ENTR1: variants seen among roughly 807,000 people sequenced by gnomAD.
The protein encoded by ENTR1 is endosome-associated-trafficking regulator 1.
A neutral mutation model predicts 47.9 loss-of-function variants in ENTR1; 47 were observed. The observed-to-expected ratio is 0.98, with a 90% CI of 0.78 to 1.25. The LOEUF is 1.25. Among genes scored for constraint, ENTR1 ranks in the 50% most tolerant of loss-of-function variants. The pLI is 0.00. For missense variants in ENTR1, 668 were observed against 570.5 expected (o/e 1.17, Z -1.74); for synonymous variants, 290 against 245.8 (o/e 1.18, Z -1.68).
chr9:136,407,674 A>T (rs759976979), intron 4 of ENTR1, 113 bp from the exon 5 acceptor site: 5 of 1,447,870 alleles, frequency 3.5e-6, no homozygotes, highest in Non-Finnish European at 4.6e-6. Context: ...TCTCTACCGG[A>T]AGGAGCCCAG....
chr9:136,403,989 C>A, intron 9 of ENTR1, 66 bp downstream of exon 9: 1 of 1,492,288 alleles, frequency 6.7e-7, no homozygotes, highest in South Asian at 1.3e-5. Flanking sequence ...CACCCAGGAT[C>A]ACTGACGACC....
rs962080588 is a variant in ENTR1 at position 136,408,048 on chromosome 9, C to T, written c.290-110G>A. Reference sequence around the variant, plus strand: ...ATGGCCACATGTGAGATCGGGCAGCCACGCTTGTCATTCTACCATGACTCA... The same window carrying T: ...ATGGCCACATGTGAGATCGGGCAGCTACGCTTGTCATTCTACCATGACTCA... On this transcript the variant is annotated intron_variant, in intron 3 of 9. Transcript: ENST00000357365. 8.7e-6 allele frequency: 6 copies of T among 688,360 alleles called. No homozygotes were observed. In the African/African-American group the frequency reaches 8.8e-5, roughly 10 times the overall value. 42.6% of individuals were successfully genotyped at this position (688,360 alleles called of 1,614,324 possible). A position where few individuals can be genotyped will look rare whatever the true frequency, so the allele number is the denominator to read the frequency against.
chr9:136,404,781 G>A (rs1834682880), intron 7 of ENTR1, 88 bp from the exon 8 acceptor site: 5 of 1,391,708 alleles, frequency 3.6e-6, no homozygotes, highest in South Asian at 3.6e-5. Flanking sequence ...GGGAGCAGGA[G>A]GGCACCCAAC....
At chr9:136,406,539 T>C (rs1337916398) in intron 5 of ENTR1, among the ~76,000 whole-genome samples, 1 of 151,266 alleles carries the variant, frequency 6.6e-6, no homozygotes, top group East Asian at 2.0e-4. Flanking sequence ...TACAGTGGCG[T>C]GACCTCGGCT....
intron 8 of ENTR1, 21 bp downstream of exon 8, chr9:136,404,610 G>C (rs1180417149): frequency 6.2e-7 from 1 of 1,611,248 alleles, no homozygotes; most frequent in Non-Finnish European, 8.5e-7. Flanking sequence ...GAAAAACACT[G>C]AAGTCCCTTC....
At position 136,408,990 on chromosome 9, in the gene ENTR1, C is replaced by A. The variant is rs778375247; in HGVS notation, c.289+9G>T. On this transcript the variant is annotated intron_variant, in intron 3 of 9. Coordinates refer to ENST00000357365, the MANE Select transcript of ENTR1 (RefSeq NM_001039707.2). The stretch of plus-strand genomic sequence containing the variant: ...GAGACAAGAAGAAAAGGTTGCTGAA[C>A]TACTCTACCTCCAAAATGTGTCCCG... The A allele has an allele frequency of 6.2e-7, 1 of 1,612,140 alleles. No individual in the cohort carries two copies.
In ENTR1 at chr9:136,410,150, T is replaced by A. The variant is rs771857313; in HGVS notation, c.160A>T (p.Ile54Phe). 1.2e-6 allele frequency: 2 copies of A among 1,612,540 alleles called. No individual in the cohort carries two copies. Among genetic ancestry groups the A allele is most frequent in the Admixed American group, 3.3e-5 (2 of 59,988 alleles). ...ACATAGCACATAAAGGCCGGCCGAA[T>A]GCCGAAGAAGGGGGAGTCCAGGTCC... ...GRDLDSPFFGIRPAFMCYVPS... is the reference protein window; with the variant it reads ...GRDLDSPFFGFRPAFMCYVPS... The change falls in exon 2 of 10, where the codon ATT becomes TTT. Residue 54 changes from isoleucine to phenylalanine, a missense_variant. By Grantham distance (21) the Ile-to-Phe change is conservative. Coordinates refer to ENST00000357365, the MANE Select transcript of ENTR1 (RefSeq NM_001039707.2).
At position 136,407,817 on chromosome 9, in the gene ENTR1, T is replaced by G. The variant is rs374167517; in HGVS notation, c.402+9A>C. The stretch of plus-strand genomic sequence containing the variant: ...CACAGAGCCATCGCCCACAGTGCCG[T>G]GGATTTACCTTTGCATAAATTCTGC... On this transcript the variant is annotated intron_variant, in intron 4 of 9. Coordinates refer to ENST00000357365, the MANE Select transcript of ENTR1 (RefSeq NM_001039707.2). 5.0e-6 allele frequency: 8 copies of G among 1,595,100 alleles called. No individual in the cohort carries two copies. The African/African-American group carries it at 8.1e-5, about 16-fold the overall frequency.
rs1834526674 is a variant in ENTR1, at chr9:136,402,301, G to T, written c.*487C>A. ...ATGACTGCAGGGACCACCCACTGGG[G>T]CCACAAGAGTGACCCGGGAGCCAGA... is the stretch of plus-strand genomic sequence containing the variant. On this transcript the variant is annotated 3_prime_UTR_variant, in exon 10 of 10. Coordinates refer to ENST00000357365, the MANE Select transcript of ENTR1 (RefSeq NM_001039707.2). 1 of 156,198 alleles carries T rather than the reference G, an allele frequency of 6.4e-6. No individual in the cohort carries two copies. The allele number at this position is 156,198 out of a possible 1,614,324, so 9.7% of individuals were successfully genotyped here. A position where few individuals can be genotyped will look rare whatever the true frequency, so the allele number is the denominator to read the frequency against.
At chr9:136,409,518 C>T (rs902463568) in intron 2 of ENTR1, among the ~76,000 whole-genome samples, 3 of 152,308 alleles carry the variant, frequency 2.0e-5, no homozygotes, top group South Asian at 2.1e-4. Context: ...AGCTCCCAGA[C>T]TTGTGACCCT....
chr9:136,408,194 G>A (rs903502131), intron 3 of ENTR1, among the ~76,000 whole-genome samples: 1 of 152,096 alleles, frequency 6.6e-6, no homozygotes, highest in African/African-American at 2.4e-5. Context: ...GCTCACTAAA[G>A]CTCCCCTGGG....
intron 2 of ENTR1, 155 bp downstream of exon 2, chr9:136,409,935 T>C: frequency 1.1e-6 from 1 of 911,378 alleles, no homozygotes; most frequent in Non-Finnish European, 1.8e-6. Flanking sequence ...TGTGAGCTCC[T>C]AGCAGGGGAC....
rs1217092073 is a variant in ENTR1 at position 136,407,409 on chromosome 9, A to C, written c.555T>G (p.Ser185Arg). 6.2e-7 allele frequency: 1 copy of C among 1,607,950 alleles called. No individual in the cohort carries two copies. Among genetic ancestry groups the C allele is most frequent in the Non-Finnish European group, 8.5e-7 (1 of 1,178,836 alleles). The part of the protein sequence containing the change: ...DEEEDEDTGW[S>R]GAYLPSAIEQ... ...CGATGGCGGACGGCAGGTAGGCCCC[A>C]CTCCATCCGGTGTCCTCATCCTCCT... Residue 185 changes from serine (S) to arginine (R), a missense_variant, in exon 5 of 10, where the codon AGT (serine) becomes AGG (arginine). Transcript: ENST00000357365.
chr9:136,410,553 T>G lies in ENTR1; in HGVS notation c.-156A>C, dbSNP rs1469136897. The G allele has an allele frequency of 4.4e-6, 5 of 1,130,146 alleles. No homozygotes were observed. Among genetic ancestry groups the G allele is most frequent in the South Asian group, 4.4e-5 (1 of 22,632 alleles). The allele number at this position is 1,130,146 out of a possible 1,614,324, so 70.0% of individuals were successfully genotyped here. ...CCCGCGCCTCCGAGCCTCTCGCCGC[T>G]GCTTCCGCTCCGAGCACCGAAAGCG... On this transcript the variant is annotated 5_prime_UTR_variant, in exon 1 of 10. Transcript: ENST00000357365.
rs754073288 is a variant in ENTR1 at position 136,407,950 on chromosome 9, G to A, written c.290-12C>T. The stretch of plus-strand genomic sequence containing the variant: ...TTCAAATCTGTCATCTGAAATAACA[G>A]ACATCACAAATGCATAAAGTCTACT... On this transcript the variant is annotated splice_polypyrimidine_tract_variant and intron_variant, in intron 3 of 9. Transcript: ENST00000357365. The A allele has an allele frequency of 6.5e-7, 1 of 1,532,340 alleles. No homozygotes were observed. Among genetic ancestry groups the A allele is most frequent in the Admixed American group, 1.7e-5 (1 of 59,850 alleles). The allele number at this position is 1,532,340 out of a possible 1,614,324, so 94.9% of individuals were successfully genotyped here.
At position 136,410,560 on chromosome 9, in the gene ENTR1, G is replaced by C; in HGVS notation, c.-163C>G. The C allele has an allele frequency of 7.9e-6, 9 of 1,145,790 alleles. No homozygotes were observed. Among genetic ancestry groups the C allele is most frequent in the Non-Finnish European group, 9.9e-6 (9 of 908,462 alleles). The allele number at this position is 1,145,790 out of a possible 1,614,324, so 71.0% of individuals were successfully genotyped here. A position where few individuals can be genotyped will look rare whatever the true frequency, so the allele number is the denominator to read the frequency against. On this transcript the variant is annotated 5_prime_UTR_variant, in exon 1 of 10. Coordinates refer to ENST00000357365, the MANE Select transcript of ENTR1 (RefSeq NM_001039707.2). ...CTCCGAGCCTCTCGCCGCTGCTTCC[G>C]CTCCGAGCACCGAAAGCGCGTGCCT...
intron 8 of ENTR1, 104 bp from the exon 9 acceptor site, chr9:136,404,298 A>T: frequency 1.4e-6 from 2 of 1,465,650 alleles, no homozygotes; most frequent in Non-Finnish European, 1.8e-6. Context: ...CTGGCACTCA[A>T]GATGCATGCT....
chr9:136,402,784 GTCC>G lies in ENTR1; in HGVS notation c.*1_*3del. ...AGCTTCATGCTGAGAACACCCAGGGGTCCTCAAGAGTCTTCCTCCTCGTCTTTA... is the reference window on the plus strand; with the variant it reads ...AGCTTCATGCTGAGAACACCCAGGGGTCAAGAGTCTTCCTCCTCGTCTTTA... On this transcript the variant is annotated 3_prime_UTR_variant, in exon 10 of 10. Coordinates refer to ENST00000357365, the MANE Select transcript of ENTR1 (RefSeq NM_001039707.2). The G allele has an allele frequency of 6.2e-7, 1 of 1,604,076 alleles. No individual in the cohort carries two copies. The highest frequency in any genetic ancestry group is 8.5e-7 in the Non-Finnish European group (1 of 1,172,108).
At chr9:136,402,956 G>C in intron 9 of ENTR1, 69 bp from the exon 10 acceptor site, 1 of 453,348 alleles carries the variant, frequency 2.2e-6, no homozygotes, top group Non-Finnish European at 3.3e-6. Context: ...TCTGGGGGGA[G>C]AAAGGGGAGG....
Sources: allele counts gnomAD v4.1 joint callset (sites outside exome capture counted in the v4.1 genomes callset), GRCh38; gene constraint gnomAD v4.1.1; transcripts MANE v1.5; gene names NCBI Gene and HGNC (gene_info 2026-07-23, HGNC 2026-07-21).